GNG7: variants seen among roughly 807,000 people sequenced by gnomAD.
GNG7 encodes the protein G protein subunit gamma 7.
GNG7 carries 1 observed loss-of-function variant against 4.0 expected under a neutral mutation model. The ratio of observed to expected loss-of-function variants is 0.25; its 90% CI spans 0.09 to 1.18. The LOEUF is 1.18. Ranked by LOEUF, GNG7 falls within the 50% of genes most tolerant of loss-of-function variation. GNG7 has a pLI of 0.50. For synonymous variants in GNG7, 34 were observed against 36.9 expected, an observed-to-expected ratio of 0.92 and a Z score of 0.29; for missense variants, 86 against 91.9, an observed-to-expected ratio of 0.94 and a Z score of 0.26.
At chr19:2,664,205 G>C (rs1983247360) in intron 1 of GNG7, among the ~76,000 whole-genome samples, 1 of 152,212 alleles carries the variant, frequency 6.6e-6, no homozygotes, top group African/African-American at 2.4e-5. Flanking sequence ...GCACGTGGCA[G>C]GGGCGTCTTG....
intron 2 of GNG7, among the ~76,000 whole-genome samples, chr19:2,620,727 G>A (rs531737640): frequency 3.9e-5 from 6 of 152,130 alleles, no homozygotes; most frequent in Non-Finnish European, 8.8e-5. Flanking sequence ...TGTAATCCCA[G>A]CTACTTGGGA....
At chr19:2,696,326 G>GAA (rs1160315387) in intron 1 of GNG7, among the ~76,000 whole-genome samples, 1 of 132,386 alleles carries the variant, frequency 7.6e-6, no homozygotes, top group Non-Finnish European at 1.6e-5. Context: ...AAGAAAGAAA[G>GAA]AAAGAAAGAA....
chr19:2,560,389 G>C (rs1282451189), intron 2 of GNG7, among the ~76,000 whole-genome samples: 1 of 152,078 alleles, frequency 6.6e-6, no homozygotes, highest in East Asian at 1.9e-4. Flanking sequence ...CAGGAGAGGA[G>C]GTCCGACCTG....
chr19:2,512,490 C>T lies in GNG7; in HGVS notation c.*2532G>A. 2 of 459,360 alleles carry T rather than the reference C, an allele frequency of 4.4e-6. No homozygotes were observed. The highest frequency in any genetic ancestry group is 5.7e-6 in the Non-Finnish European group (2 of 349,098). The allele number at this position is 459,360 out of a possible 1,614,324, so 28.5% of individuals were successfully genotyped here. A position where few individuals can be genotyped will look rare whatever the true frequency, so the allele number is the denominator to read the frequency against. ...CTCAGGGAACCCAAGGCCCTGTGGACAGTGAAGGAGAGGCCAGCCTGTCCT... is the reference window on the plus strand; with the variant it reads ...CTCAGGGAACCCAAGGCCCTGTGGATAGTGAAGGAGAGGCCAGCCTGTCCT... On this transcript the variant is annotated 3_prime_UTR_variant, in exon 5 of 5. Coordinates refer to ENST00000382159, the MANE Select transcript of GNG7 (RefSeq NM_052847.3). The surrounding 1 kb of genome is among the most constrained non-coding windows in gnomAD (Gnocchi z 4.7).
At chr19:2,575,312 C>A (rs1457065805) in intron 2 of GNG7, among the ~76,000 whole-genome samples, 1 of 152,164 alleles carries the variant, frequency 6.6e-6, no homozygotes, top group Non-Finnish European at 1.5e-5. Flanking sequence ...TGGGTTCAAG[C>A]AATCCTCCTG....
Position 2,512,242 on chromosome 19 carries a change from G to A in GNG7, c.*2780C>T, listed in dbSNP as rs1474080068. On this transcript the variant is annotated 3_prime_UTR_variant, in exon 5 of 5. Transcript: ENST00000382159. This position sits in a 1 kb window ranked among gnomAD's most constrained non-coding sequence, Gnocchi z 4.7. ...TCCTGGAAACGCCCATAAAACATGC[G>A]TTCACCCCAGGGATTCCCGGCAGAA... 5.1e-6 allele frequency: 5 copies of A among 985,710 alleles called. No individual in the cohort carries two copies. Among genetic ancestry groups the A allele is most frequent in the African/African-American group, 1.7e-5 (1 of 57,206 alleles). The allele number at this position is 985,710 out of a possible 1,614,324, so 61.1% of individuals were successfully genotyped here.
rs73516670 is a variant in GNG7, at chr19:2,537,623, G to C, written c.-37-16898C>G. 6.3e-3 allele frequency among the ~76,000 whole-genome samples: 957 copies of C among 151,850 alleles called. 12 individuals carry two copies. Among genetic ancestry groups the C allele is most frequent in the African/African-American group, 0.022 (904 of 41,200 alleles). On this transcript the variant is annotated intron_variant, in intron 3 of 4. Transcript: ENST00000382159. The stretch of plus-strand genomic sequence containing the variant: ...ATAATACACTGAGCATGCTCAAAGT[G>C]TACGGTTCTGATGGGACAGGAAGCT...
chr19:2,625,928 C>T (rs1215164997), intron 2 of GNG7, among the ~76,000 whole-genome samples: 2 of 152,090 alleles, frequency 1.3e-5, no homozygotes, highest in African/African-American at 2.4e-5. Flanking sequence ...GCTAGGATTA[C>T]AGGCGCCCAC....
intron 2 of GNG7, among the ~76,000 whole-genome samples, chr19:2,576,432 G>A (rs573359778): frequency 7.2e-5 from 11 of 152,330 alleles, no homozygotes; most frequent in Admixed American, 1.3e-4. Context: ...AGGACAGGGC[G>A]GGCCGCGGCA....
intron 2 of GNG7, among the ~76,000 whole-genome samples, chr19:2,584,342 A>G (rs73522578): frequency 0.37 from 54,558 of 147,934 alleles, 11,612 homozygotes; most frequent in African/African-American, 0.58. Context: ...TACTTGGGAG[A>G]CTGAGGTGGG....
intron 2 of GNG7, among the ~76,000 whole-genome samples, chr19:2,558,350 C>T (rs758308861): frequency 4.6e-5 from 7 of 151,854 alleles, no homozygotes; most frequent in Non-Finnish European, 8.8e-5. Flanking sequence ...GATCCTCCCT[C>T]CTCAGCCTCC....
chr19:2,558,017 G>A (rs1032675944), intron 2 of GNG7, among the ~76,000 whole-genome samples: 3 of 151,768 alleles, frequency 2.0e-5, no homozygotes, highest in Non-Finnish European at 2.9e-5. Flanking sequence ...AATTTTTTGT[G>A]TTTTTAGTAG....
At chr19:2,596,914 C>CG (rs1185260857) in intron 2 of GNG7, among the ~76,000 whole-genome samples, 1 of 151,826 alleles carries the variant, frequency 6.6e-6, no homozygotes, top group Non-Finnish European at 1.5e-5. Flanking sequence ...ATGGATTAAG[C>CG]CCAGAAAACA....
At chr19:2,538,376 A>G (rs1270937374) in intron 3 of GNG7, 1 of 424,736 alleles carries the variant, frequency 2.4e-6, no homozygotes, top group East Asian at 7.3e-5. Flanking sequence ...TGATCCTACC[A>G]CTTTGGGAGG....
chr19:2,688,201 C>T (rs1913046901), intron 1 of GNG7, among the ~76,000 whole-genome samples: 2 of 152,202 alleles, frequency 1.3e-5, no homozygotes, highest in Admixed American at 6.5e-5. Context: ...TGCAGTGAGC[C>T]AAGATCGCGC....
intron 2 of GNG7, among the ~76,000 whole-genome samples, chr19:2,568,206 CAT>C (rs571891732): frequency 5.0e-4 from 76 of 150,924 alleles, no homozygotes; most frequent in South Asian, 1.3e-3. Context: ...CACATATAGA[CAT>C]ACACATACAG....
intron 2 of GNG7, among the ~76,000 whole-genome samples, chr19:2,589,117 G>A (rs1210794929): frequency 1.3e-5 from 2 of 151,592 alleles, no homozygotes; most frequent in African/African-American, 2.4e-5. Context: ...TAGTAGAGAT[G>A]GGGTTTCTCC....
At chr19:2,575,752 CGCAGACACGCAGGCACACGCAGGCACAT>C (rs1980305070) in intron 2 of GNG7, among the ~76,000 whole-genome samples, 1 of 122,588 alleles carries the variant, frequency 8.2e-6, no homozygotes, top group Non-Finnish European at 1.7e-5. Flanking sequence ...CGCAGGCACA[CGCAGACACGCAGGCACACGCAGGCACAT>C]GCAGACACGC....
intron 3 of GNG7, among the ~76,000 whole-genome samples, chr19:2,545,370 G>A (rs913033351): frequency 3.3e-5 from 5 of 152,014 alleles, no homozygotes; most frequent in Admixed American, 6.6e-5. Context: ...CACATAGGCC[G>A]GGCACGGTGG....
Sources: allele counts gnomAD v4.1 joint callset (sites outside exome capture counted in the v4.1 genomes callset), GRCh38; gene constraint gnomAD v4.1.1; non-coding constraint Gnocchi (gnomAD v3.1); transcripts MANE v1.5; gene names NCBI Gene and HGNC (gene_info 2026-07-23, HGNC 2026-07-21).